Variants in UBR3 observed in about 807,000 individuals in gnomAD.
The protein encoded by UBR3 is ubiquitin protein ligase E3 component n-recognin 3.
UBR3 carries 85 observed loss-of-function variants against 243.2 expected under a neutral mutation model. That is an observed-to-expected ratio of 0.35 (90% CI 0.29 to 0.42). The LOEUF (loss-of-function observed/expected upper bound fraction) is 0.42, where lower values mean the gene tolerates loss of function less well. UBR3 is among the 10% of genes least tolerant of loss of function. The pLI, the probability that UBR3 is intolerant of heterozygous loss-of-function variation, is 1.00. For synonymous variants in UBR3, 748 were observed against 799.8 expected, an observed-to-expected ratio of 0.94 and a Z score of 1.09; for missense variants, 1,686 against 2,300.8, an observed-to-expected ratio of 0.73 and a Z score of 5.47.
At chr2:169,863,503 C>A (rs970238483) in intron 1 of UBR3, among the ~76,000 whole-genome samples, 1 of 152,144 alleles carries the variant, frequency 6.6e-6, no homozygotes, top group Non-Finnish European at 1.5e-5. Context: ...GACTATTTAA[C>A]CTTCTTAATC....
rs1035904997 is a variant in UBR3, at chr2:169,847,482, C to G, written c.545+19430C>G. ...TTATAATAGTTTGCTTTTTAAATTTCCCTCTAAGCCTTTATCCTATTGTTG... is the reference window on the plus strand; with the variant it reads ...TTATAATAGTTTGCTTTTTAAATTTGCCTCTAAGCCTTTATCCTATTGTTG... On this transcript the variant is annotated intron_variant, in intron 1 of 38. Transcript: ENST00000272793. 2.4e-4 allele frequency among the ~76,000 whole-genome samples: 37 copies of G among 152,012 alleles called. 1 individual carries two copies. The highest frequency in any genetic ancestry group is 6.2e-4 in the South Asian group (3 of 4,824).
chr2:170,038,903 A>G (rs759213718), intron 31 of UBR3, among the ~76,000 whole-genome samples: 13 of 152,194 alleles, frequency 8.5e-5, no homozygotes, highest in Non-Finnish European at 1.2e-4. Flanking sequence ...GTGCGTATAG[A>G]GAGAAAGATT....
At chr2:169,912,529 T>C (rs1375300813) in intron 10 of UBR3, among the ~76,000 whole-genome samples, 1 of 152,222 alleles carries the variant, frequency 6.6e-6, no homozygotes, top group Non-Finnish European at 1.5e-5. Context: ...TGTTGTAGCA[T>C]GTATCAGTAC....
chr2:170,077,786 A>G (rs1270615026), intron 36 of UBR3: 1 of 253,328 alleles, frequency 3.9e-6, no homozygotes, highest in Non-Finnish European at 7.5e-6. Flanking sequence ...GGGTTTCACC[A>G]TGTTGCCCAG....
At chr2:170,064,905 C>T (rs761871062) in intron 35 of UBR3, among the ~76,000 whole-genome samples, 12 of 148,546 alleles carry the variant, frequency 8.1e-5, no homozygotes, top group Admixed American at 3.4e-4. Context: ...TGCAGTGGCG[C>T]GGTCTCGGCT....
intron 20 of UBR3, among the ~76,000 whole-genome samples, chr2:169,943,422 GA>G (rs1163537164): frequency 1.3e-5 from 2 of 152,080 alleles, no homozygotes; most frequent in African/African-American, 4.8e-5. Context: ...CCAACATGGT[GA>G]AACCCTGTCT....
At chr2:170,039,474 C>G (rs1336556500) in intron 31 of UBR3, among the ~76,000 whole-genome samples, 1 of 151,804 alleles carries the variant, frequency 6.6e-6, no homozygotes, top group Non-Finnish European at 1.5e-5. Flanking sequence ...AAGGGTTATC[C>G]TTGGAGAGGA....
intron 1 of UBR3, among the ~76,000 whole-genome samples, chr2:169,849,231 A>G (rs946461699): frequency 2.6e-5 from 4 of 152,200 alleles, no homozygotes; most frequent in Non-Finnish European, 5.9e-5. Flanking sequence ...GCCCTGCACT[A>G]CTGGGCTCAA....
At chr2:169,847,079 CTGTGTG>C (rs769261518) in intron 1 of UBR3, among the ~76,000 whole-genome samples, 24 of 123,708 alleles carry the variant, frequency 1.9e-4, no homozygotes, top group African/African-American at 7.1e-4. Flanking sequence ...TTTTCTTAAA[CTGTGTG>C]TGTGTGTGTG....
At chr2:169,890,540 G>GAGAGAGAGAGAGATATATATATAT (rs1553504401) in intron 5 of UBR3, among the ~76,000 whole-genome samples, 1 of 76,020 alleles carries the variant, frequency 1.3e-5, no homozygotes, top group African/African-American at 6.4e-5. Context: ...GAGAGAGAGA[G>GAGAGAGAGAGAGATATATATATAT]ATATATATAT....
At chr2:169,922,081 G>C (rs2085722533) in intron 11 of UBR3, among the ~76,000 whole-genome samples, 1 of 152,022 alleles carries the variant, frequency 6.6e-6, no homozygotes, top group Non-Finnish European at 1.5e-5. Context: ...GAGCCCAGGA[G>C]TTCGAGAGCA....
chr2:169,873,783 A>G, intron 2 of UBR3, among the ~76,000 whole-genome samples: 1 of 152,240 alleles, frequency 6.6e-6, no homozygotes, highest in East Asian at 1.9e-4. Flanking sequence ...GGAACCAGTT[A>G]CTAGCTGGGT....
intron 24 of UBR3, among the ~76,000 whole-genome samples, chr2:169,981,835 G>A (rs921442550): frequency 1.3e-5 from 2 of 151,604 alleles, no homozygotes; most frequent in Non-Finnish European, 1.5e-5. Flanking sequence ...AAAAAAGAAA[G>A]CGAATACTCT....
chr2:169,888,948 G>A (rs2084219186), intron 5 of UBR3, among the ~76,000 whole-genome samples: 1 of 151,870 alleles, frequency 6.6e-6, no homozygotes, highest in Non-Finnish European at 1.5e-5. Context: ...ATAACATTGT[G>A]ATGAATAGGT....
At chr2:169,947,815 T>C (rs2086846675) in intron 22 of UBR3, 100 bp downstream of exon 22, 1 of 1,249,654 alleles carries the variant, frequency 8.0e-7, no homozygotes, top group South Asian at 3.4e-5. Context: ...AAAAAAAATG[T>C]GGTTGTAGAT....
At chr2:170,057,520 T>C (rs1471219597) in intron 33 of UBR3, among the ~76,000 whole-genome samples, 1 of 152,250 alleles carries the variant, frequency 6.6e-6, no homozygotes, top group East Asian at 1.9e-4. Flanking sequence ...ATTAGGTTTC[T>C]GTGCTGTGTC....
intron 8 of UBR3, among the ~76,000 whole-genome samples, chr2:169,900,269 T>G (rs1264529303): frequency 1.3e-5 from 2 of 152,236 alleles, no homozygotes; most frequent in African/African-American, 4.8e-5. Context: ...ATTTTTCATA[T>G]GTCTGTTGGC....
chr2:169,871,716 C>A (rs1257746341), intron 1 of UBR3, among the ~76,000 whole-genome samples: 1 of 125,446 alleles, frequency 8.0e-6, no homozygotes, highest in East Asian at 2.3e-4. Context: ...CCACTGCACT[C>A]CAGCCTGGAC....
intron 31 of UBR3, among the ~76,000 whole-genome samples, chr2:170,031,995 G>A (rs1199471859): frequency 2.0e-5 from 3 of 152,226 alleles, no homozygotes; most frequent in African/African-American, 7.2e-5. Context: ...GCAAGTACAT[G>A]TGTCTTTTTG....
Sources: gnomAD v4.1 joint callset for allele counts (sites outside exome capture counted in the v4.1 genomes callset) on GRCh38, gnomAD v4.1.1 for gene constraint, MANE v1.5 for transcripts, NCBI Gene and HGNC (gene_info 2026-07-23, HGNC 2026-07-21) for gene names.